The following KPNB1 variants were observed in gnomAD, a reference collection of about 807,000 sequenced individuals.
KPNB1 encodes the protein importin subunit beta-1.
Under a neutral mutation model 113.0 loss-of-function variants are expected in KPNB1, and 7 were observed. That is an observed-to-expected ratio of 0.06 (90% confidence interval 0.04 to 0.12). KPNB1 has a LOEUF of 0.12. KPNB1 is among the 10% of genes least tolerant of loss of function. The probability of loss-of-function intolerance (pLI) is 1.00; values close to 1 mark genes in which losing one functional copy is unlikely to be tolerated. For missense variants in KPNB1, 400 were observed against 1,054.8 expected, an observed-to-expected ratio of 0.38 and a Z score of 8.60; for synonymous variants, 363 against 378.6, an observed-to-expected ratio of 0.96 and a Z score of 0.48.
At position 47,673,392 on chromosome 17, in the gene KPNB1, G is replaced by T; in HGVS notation, c.1696-98G>T. On this transcript the variant is annotated intron_variant, in intron 13 of 21. Coordinates refer to ENST00000290158, the MANE Select transcript of KPNB1 (RefSeq NM_002265.6). ...GTATTATGGGTTTTTTGTTGCTGTT[G>T]TTTACTTTCCTATGTTAGTATTAGG... 3.6e-6 allele frequency: 4 copies of T among 1,102,746 alleles called. No individual in the cohort carries two copies. The Admixed American group carries it at 5.6e-5, about 16-fold the overall frequency. The allele number at this position is 1,102,746 out of a possible 1,614,324, so 68.3% of individuals were successfully genotyped here.
chr17:47,652,346 A>G (rs557612450), intron 2 of KPNB1, among the ~76,000 whole-genome samples: 8 of 152,348 alleles, frequency 5.3e-5, no homozygotes, highest in East Asian at 1.9e-4. Flanking sequence ...ACACCTCAGT[A>G]TACATAGAAG....
chr17:47,651,744 A>G (rs1279879389), intron 2 of KPNB1, among the ~76,000 whole-genome samples: 2 of 152,242 alleles, frequency 1.3e-5, no homozygotes, highest in Admixed American at 6.5e-5. Flanking sequence ...GCAGTAAGAA[A>G]AATGTGTCTG....
intron 11 of KPNB1, 38 bp downstream of exon 11, chr17:47,669,907 C>T (rs754839236): frequency 1.4e-6 from 2 of 1,452,730 alleles, no homozygotes; most frequent in South Asian, 1.2e-5. Context: ...AGGAGCTTGC[C>T]TGCGCCACTG....
In KPNB1 at chr17:47,670,688, T is replaced by C. The variant is rs2030418905; in HGVS notation, c.1417-14T>C. The C allele has an allele frequency of 1.9e-6, 3 of 1,604,732 alleles. No homozygotes were observed. The highest frequency in any genetic ancestry group is 4.5e-5 in the East Asian group (2 of 44,622). On this transcript the variant is annotated splice_polypyrimidine_tract_variant and intron_variant, in intron 11 of 21. Transcript: ENST00000290158. ...GTTCTTTCAGGATTAACATTGAACC[T>C]ATGTGCATTTCAGGCTTTCTCCAGT...
intron 21 of KPNB1, among the ~76,000 whole-genome samples, chr17:47,681,993 T>G (rs546805578): frequency 6.6e-6 from 1 of 152,206 alleles, no homozygotes; most frequent in Non-Finnish European, 1.5e-5. Flanking sequence ...CCTCCATGAC[T>G]GGCTAATTTT....
rs926086614 is a variant in KPNB1 at position 47,684,342 on chromosome 17, A to G, written c.*1938A>G. On this transcript the variant is annotated 3_prime_UTR_variant, in exon 22 of 22. Transcript: ENST00000290158. ...AAAGTCAAGTGCCGATCTATGAACC[A>G]GTGTACAAAAAAAAAAAAATCCAGG... is the stretch of plus-strand genomic sequence containing the variant. 12 of 150,802 alleles carry G rather than the reference A, an allele frequency of 8.0e-5. No individual in the cohort carries two copies. Among genetic ancestry groups the G allele is most frequent in the Non-Finnish European group, 1.8e-4 (12 of 67,892 alleles). The allele number at this position is 150,802 out of a possible 1,614,324, so 9.3% of individuals were successfully genotyped here. A position where few individuals can be genotyped will look rare whatever the true frequency, so the allele number is the denominator to read the frequency against.
chr17:47,652,599 C>T lies in KPNB1; in HGVS notation c.100-95C>T, dbSNP rs138107714. On this transcript the variant is annotated intron_variant, in intron 2 of 21. Transcript: ENST00000290158. ...AAAATTAGACATTAGTTCCCCCCCT[C>T]GCCGCCCCTCTGGTGGTTCAGTGCT... The T allele has an allele frequency of 5.3e-3, 5,087 of 956,190 alleles. 21 individuals are homozygous for T. Among genetic ancestry groups the T allele is most frequent in the Middle Eastern group, 0.014 (37 of 2,724 alleles). 59.2% of individuals were successfully genotyped at this position (956,190 alleles called of 1,614,324 possible).
At chr17:47,660,222 T>C (rs1178191874) in intron 5 of KPNB1, among the ~76,000 whole-genome samples, 2 of 152,242 alleles carry the variant, frequency 1.3e-5, no homozygotes, top group Admixed American at 6.5e-5. Context: ...TTTGTCTTTT[T>C]GCGACTGGTT....
intron 2 of KPNB1, among the ~76,000 whole-genome samples, chr17:47,650,854 C>T (rs1197633465): frequency 6.6e-6 from 1 of 152,192 alleles, no homozygotes; most frequent in African/African-American, 2.4e-5. Context: ...CTGACCCCGG[C>T]CGGCTTCTCC....
intron 3 of KPNB1, among the ~76,000 whole-genome samples, chr17:47,654,787 G>A (rs1915674390): frequency 6.6e-6 from 1 of 152,158 alleles, no homozygotes; most frequent in Non-Finnish European, 1.5e-5. Flanking sequence ...ATATGTACTA[G>A]GAGACTATGT....
At position 47,658,709 on chromosome 17, in the gene KPNB1, G is replaced by C. The variant is rs761836572; in HGVS notation, c.636+49G>C. ...TAGATTCAGACAGTAAGGGATGAAA[G>C]AGTTGAATGAAAGTTTTTTGTTTTG... On this transcript the variant is annotated intron_variant, in intron 5 of 21. Transcript: ENST00000290158. 3 of 1,508,118 alleles carry C rather than the reference G, an allele frequency of 2.0e-6. No individual in the cohort carries two copies. The East Asian group carries it at 6.8e-5, about 34-fold the overall frequency. 93.4% of individuals were successfully genotyped at this position (1,508,118 alleles called of 1,614,324 possible). A position where few individuals can be genotyped will look rare whatever the true frequency, so the allele number is the denominator to read the frequency against.
At chr17:47,654,391 G>A (rs530708598) in intron 3 of KPNB1, among the ~76,000 whole-genome samples, 4 of 149,934 alleles carry the variant, frequency 2.7e-5, no homozygotes, top group Non-Finnish European at 5.9e-5. Flanking sequence ...TCCAGCCTGG[G>A]TGACAGAGTG....
At chr17:47,658,137 T>C (rs542103122) in intron 4 of KPNB1, among the ~76,000 whole-genome samples, 1 of 152,254 alleles carries the variant, frequency 6.6e-6, no homozygotes, top group Non-Finnish European at 1.5e-5. Flanking sequence ...CTTATGGCAG[T>C]CTTTTGGAGG....
intron 2 of KPNB1, 123 bp downstream of exon 2, chr17:47,650,567 C>CCCCCA: frequency 3.2e-6 from 2 of 616,872 alleles, no homozygotes; most frequent in Non-Finnish European, 5.7e-6. Context: ...CCCCTCCCCC[C>CCCCCA]TCCCCCTCCC....
chr17:47,650,205 C>G lies in KPNB1; in HGVS notation c.-40C>G. On this transcript the variant is annotated 5_prime_UTR_variant, in exon 1 of 22. Coordinates refer to ENST00000290158, the MANE Select transcript of KPNB1 (RefSeq NM_002265.6). ...CGAGCCGCCGCCCGAAAGGCCGGGCCGTCGTCTTAGGAGGAGTCGCCGCCG... is the reference window on the plus strand; with the variant it reads ...CGAGCCGCCGCCCGAAAGGCCGGGCGGTCGTCTTAGGAGGAGTCGCCGCCG... 2.1e-6 allele frequency: 3 copies of G among 1,404,366 alleles called. No individual in the cohort carries two copies. Among genetic ancestry groups the G allele is most frequent in the Non-Finnish European group, 2.8e-6 (3 of 1,063,016 alleles). The allele number at this position is 1,404,366 out of a possible 1,614,324, so 87.0% of individuals were successfully genotyped here. A position where few individuals can be genotyped will look rare whatever the true frequency, so the allele number is the denominator to read the frequency against.
chr17:47,656,988 C>T lies in KPNB1; in HGVS notation c.411C>T (p.Val137=), dbSNP rs192361570. The T allele has an allele frequency of 1.7e-5, 27 of 1,614,182 alleles. No homozygotes were observed. Among genetic ancestry groups the T allele is most frequent in the Non-Finnish European group, 2.3e-5 (27 of 1,180,046 alleles). The change falls in exon 4 of 22, where the codon GTC becomes GTT. Residue 137 remains valine (V), a synonymous_variant. Transcript: ENST00000290158. ...TCATTCCTCAGCTGGTGGCCAATGT[C>T]ACAAACCCCAACAGCACAGAGCACA... The part of the protein sequence containing the change: ...PELIPQLVAN[V]TNPNSTEHMK...
chr17:47,652,934 A>C, intron 3 of KPNB1, 58 bp downstream of exon 3: 1 of 1,364,248 alleles, frequency 7.3e-7, no homozygotes, highest in Non-Finnish European at 9.9e-7. Flanking sequence ...TCGCTTTCTC[A>C]GATCTTTTGC....
At chr17:47,661,352 CA>C (rs967189640) in intron 6 of KPNB1, among the ~76,000 whole-genome samples, 174 bp downstream of exon 6, 1 of 152,072 alleles carries the variant, frequency 6.6e-6, no homozygotes, top group African/African-American at 2.4e-5. Flanking sequence ...GTAATCCCAG[CA>C]CTTAGGGAGG....
intron 5 of KPNB1, among the ~76,000 whole-genome samples, chr17:47,660,483 T>A (rs983388527): frequency 3.9e-5 from 6 of 152,218 alleles, no homozygotes; most frequent in African/African-American, 1.4e-4. Context: ...ACAAGTAAAA[T>A]TGCCAGGGTC....
Sources: gnomAD v4.1 joint callset for allele counts (sites outside exome capture counted in the v4.1 genomes callset) on GRCh38, gnomAD v4.1.1 for gene constraint, MANE v1.5 for transcripts, NCBI Gene and HGNC (gene_info 2026-07-23, HGNC 2026-07-21) for gene names.